USP54: variants seen among roughly 807,000 people sequenced by gnomAD.
USP54 encodes ubiquitin carboxyl-terminal hydrolase 54.
A neutral mutation model predicts 170.5 loss-of-function variants in USP54; 87 were observed. The observed-to-expected ratio is 0.51, with a 90% CI of 0.43 to 0.61. The LOEUF is 0.61. Ranked by LOEUF, USP54 falls within the 20% of genes least tolerant of loss-of-function variation. The pLI, the probability that USP54 is intolerant of heterozygous loss-of-function variation, is 0.00. For synonymous variants in USP54, 655 were observed against 742.8 expected, an observed-to-expected ratio of 0.88 and a Z score of 1.92; for missense variants, 1,786 against 2,047.8, an observed-to-expected ratio of 0.87 and a Z score of 2.47.
At chr10:73,621,822 C>A (rs2081118395) in intron 1 of USP54, among the ~76,000 whole-genome samples, 1 of 152,240 alleles carries the variant, frequency 6.6e-6, no homozygotes, top group South Asian at 2.1e-4. Flanking sequence ...GTAATTTACT[C>A]AATTCTCTAT....
intron 23 of USP54, among the ~76,000 whole-genome samples, chr10:73,500,145 C>A (rs1488204078): frequency 6.6e-6 from 1 of 152,136 alleles, no homozygotes; most frequent in Non-Finnish European, 1.5e-5. Context: ...TCAAAGAAAG[C>A]CAAAATGATA....
chr10:73,558,598 G>A (rs1322638057), intron 4 of USP54, among the ~76,000 whole-genome samples: 2 of 152,172 alleles, frequency 1.3e-5, no homozygotes, highest in Admixed American at 6.5e-5. Context: ...TCAGACTAAG[G>A]GAAAGTTGGC....
At chr10:73,518,601 C>G (rs1455943310) in intron 19 of USP54, 2 of 152,030 alleles carry the variant, frequency 1.3e-5, no homozygotes, top group Non-Finnish European at 2.9e-5. Flanking sequence ...ATATAGTCAC[C>G]CAGTCACCCT....
At position 73,519,975 on chromosome 10, in the gene USP54, G is replaced by T; in HGVS notation, c.2500C>A (p.Leu834Met). ...TGCGTGCTACAGCTGGCACCATGCA[G>T]GGCAAGTCTTAGTTTAGCTAAAATG... is the stretch of plus-strand genomic sequence containing the variant. ...NEAISKLRLA[L>M]HGASCSTHSR... The change falls in exon 19 of 24, where the codon CTG becomes ATG. Residue 834 changes from leucine to methionine, a missense_variant. This residue lies in a region of USP54 where 1,418 missense variants were observed against 1,569.0 expected (regional missense o/e 0.90). Transcript: ENST00000687698. 1 of 1,609,598 alleles carries T rather than the reference G, an allele frequency of 6.2e-7. No individual in the cohort carries two copies.
At chr10:73,546,316 G>A (rs533877828) in intron 4 of USP54, among the ~76,000 whole-genome samples, 1 of 151,988 alleles carries the variant, frequency 6.6e-6, no homozygotes, top group East Asian at 1.9e-4. Context: ...GGATACTTTT[G>A]TGTATATTTG....
At chr10:73,557,054 A>C (rs1305246062) in intron 4 of USP54, among the ~76,000 whole-genome samples, 1 of 152,212 alleles carries the variant, frequency 6.6e-6, no homozygotes, top group African/African-American at 2.4e-5. Context: ...CCTCTAGTAC[A>C]ATCCCTGGAA....
intron 1 of USP54, among the ~76,000 whole-genome samples, chr10:73,609,224 A>T (rs1269571904): frequency 6.6e-6 from 1 of 152,220 alleles, no homozygotes; most frequent in African/African-American, 2.4e-5. Flanking sequence ...AGTTGAAAGA[A>T]ATGGCAAAAA....
Position 73,539,549 on chromosome 10 carries a change from C to A in USP54, c.870G>T (p.Leu290=), listed in dbSNP as rs376106863. 6.2e-7 allele frequency: 1 copy of A among 1,610,862 alleles called. No individual in the cohort carries two copies. The highest frequency in any genetic ancestry group is 8.5e-7 in the Non-Finnish European group (1 of 1,177,934). ...VTDDRAKQSE[L]YLVGMICYYG... is the part of the protein sequence containing the mutation. The stretch of plus-strand genomic sequence containing the variant: ...AGTAACAGATCATTCCAACTAAGTA[C>A]AGTTCAGATTGCTTGGCCCGGTCAT... Residue 290 remains leucine (L), a synonymous_variant, in exon 10 of 24, where the codon CTG becomes CTT. Transcript: ENST00000687698.
In USP54 at chr10:73,623,822, G is replaced by A. The variant is rs542025947; in HGVS notation, c.-18+1745C>T. On this transcript the variant is annotated intron_variant, in intron 1 of 22. Coordinates refer to the USP54 transcript ENST00000339859. ...TCTGAGCAATTCCAAGGCAAAGATC[G>A]AGTTCTACCTGTATTTGTATCCTGA... Among the ~76,000 whole-genome samples, 19 of 152,200 alleles carry A rather than the reference G, an allele frequency of 1.2e-4. No individual in the cohort carries two copies. The East Asian group carries it at 2.7e-3, about 22-fold the overall frequency.
intron 4 of USP54, among the ~76,000 whole-genome samples, chr10:73,569,506 G>A (rs1163617463): frequency 6.6e-6 from 1 of 152,052 alleles, no homozygotes; most frequent in Non-Finnish European, 1.5e-5. Flanking sequence ...TTCCAGCTGG[G>A]CGTGATGGCT....
intron 4 of USP54, among the ~76,000 whole-genome samples, chr10:73,558,264 G>C (rs1175606372): frequency 1.3e-5 from 2 of 152,104 alleles, no homozygotes; most frequent in Non-Finnish European, 2.9e-5. Flanking sequence ...TCAATGAAAG[G>C]CATAATTAGT....
At chr10:73,504,135 G>A (rs895112112) in intron 22 of USP54, 4 of 152,230 alleles carry the variant, frequency 2.6e-5, no homozygotes, top group African/African-American at 9.7e-5. Flanking sequence ...TTTTATTTTT[G>A]TACCATGTAT....
At chr10:73,613,043 G>T (rs1467691756) in intron 1 of USP54, among the ~76,000 whole-genome samples, 1 of 151,346 alleles carries the variant, frequency 6.6e-6, no homozygotes, top group Non-Finnish European at 1.5e-5. Flanking sequence ...TCTGGTCCCA[G>T]CTACTCAGGA....
At position 73,498,999 on chromosome 10, in the gene USP54, C is replaced by T. The variant is rs777614596; in HGVS notation, c.4685G>A (p.Cys1562Tyr). The change falls in exon 24 of 24, where the codon TGC becomes TAC. Residue 1562 changes from cysteine to tyrosine, a missense_variant. This residue lies in a region of USP54 where 1,418 missense variants were observed against 1,569.0 expected (regional missense o/e 0.90). Coordinates refer to ENST00000687698, the MANE Select transcript of USP54 (RefSeq NM_001391956.1). ...GGCAGTGTAGGTTAGTTGAGGATTG[C>T]ACCCTGGAGTAGTCAGGAATCTGGT... ...IGTRFLTTPGCNPQLTYTATL... is the reference protein window; with the variant it reads ...IGTRFLTTPGYNPQLTYTATL... The T allele has an allele frequency of 9.3e-6, 15 of 1,614,110 alleles. No individual in the cohort carries two copies. Among genetic ancestry groups the T allele is most frequent in the Non-Finnish European group, 1.3e-5 (15 of 1,180,024 alleles).
At chr10:73,512,963 T>G (rs1243348673) in intron 20 of USP54, among the ~76,000 whole-genome samples, 2 of 151,804 alleles carry the variant, frequency 1.3e-5, no homozygotes, top group Non-Finnish European at 1.5e-5. Flanking sequence ...AGGTCAAGGC[T>G]ACAGTGAGCT....
At chr10:73,551,125 C>T (rs1218069388) in intron 4 of USP54, among the ~76,000 whole-genome samples, 1 of 151,954 alleles carries the variant, frequency 6.6e-6, no homozygotes, top group Non-Finnish European at 1.5e-5. Flanking sequence ...ATTGTTTTTC[C>T]CATTCTGCCC....
chr10:73,598,220 T>C (rs1385148256), intron 1 of USP54, among the ~76,000 whole-genome samples: 2 of 152,210 alleles, frequency 1.3e-5, no homozygotes, highest in South Asian at 4.1e-4. Context: ...ATATCCTTCA[T>C]GGATAAGGAG....
At chr10:73,508,575 T>C (rs1472767751) in intron 20 of USP54, among the ~76,000 whole-genome samples, 1 of 152,162 alleles carries the variant, frequency 6.6e-6, no homozygotes, top group East Asian at 1.9e-4. Context: ...GAACTTCCTA[T>C]TAAATATTCC....
Position 73,545,670 on chromosome 10 carries a change from T to A in USP54, c.243A>T (p.Gly81=). 6.2e-7 allele frequency: 1 copy of A among 1,614,076 alleles called. No homozygotes were observed. The highest frequency in any genetic ancestry group is 8.5e-7 in the Non-Finnish European group (1 of 1,179,948). Reference sequence around the variant, plus strand: ...TACTACACTGAAACTGGTTAAAGATTCCCTATAGGGAAGAGGTTAGACAAG... The same window carrying A: ...TACTACACTGAAACTGGTTAAAGATACCCTATAGGGAAGAGGTTAGACAAG... ...GDSCIFCALK[G]IFNQFQCSSE... Residue 81 remains glycine, a splice_region_variant and synonymous_variant, in exon 5 of 24, where the codon GGA becomes GGT. Transcript: ENST00000687698.
Sources: allele counts gnomAD v4.1 joint callset (sites outside exome capture counted in the v4.1 genomes callset), GRCh38; gene constraint gnomAD v4.1.1; regional missense constraint gnomAD v4.1.1; transcripts MANE v1.5; gene names NCBI Gene and HGNC (gene_info 2026-07-23, HGNC 2026-07-21).